The following FSIP1 variants were observed in gnomAD, a reference collection of about 807,000 sequenced individuals.
FSIP1 encodes the protein fibrous sheath interacting protein 1, also known as fibrous sheath-interacting protein 1.
Under a neutral mutation model 60.9 loss-of-function variants are expected in FSIP1, and 65 were observed. That is an observed-to-expected ratio of 1.07 (90% CI 0.87 to 1.31). The LOEUF is 1.31. FSIP1 is among the 40% of genes most tolerant of loss of function. The pLI, the probability that FSIP1 is intolerant of heterozygous loss-of-function variation, is 0.00. For missense variants in FSIP1, 675 were observed against 665.5 expected (o/e 1.01, Z -0.16); for synonymous variants, 209 against 221.2 (o/e 0.94, Z 0.49).
chr15:39,754,669 C>CT (rs1176343562), intron 5 of FSIP1, among the ~76,000 whole-genome samples: 1 of 151,830 alleles, frequency 6.6e-6, no homozygotes, highest in African/African-American at 2.4e-5. Context: ...GTTTAGGAGA[C>CT]TAGGTGGGTG....
downstream of FSIP1, chr15:39,599,383 A>G (rs1440030116): frequency 6.6e-6 from 1 of 152,178 alleles, no homozygotes; most frequent in Admixed American, 6.5e-5. Context: ...AATAACAGAA[A>G]GGCTCACTAT....
chr15:39,686,825 A>T (rs1220277603), intron 10 of FSIP1, among the ~76,000 whole-genome samples: 2 of 152,246 alleles, frequency 1.3e-5, no homozygotes, highest in African/African-American at 4.8e-5. Context: ...ATTCAAAGGG[A>T]AAGTCTGAGT....
chr15:39,778,785 A>T (rs1443512726), intron 1 of FSIP1, among the ~76,000 whole-genome samples: 1 of 152,236 alleles, frequency 6.6e-6, no homozygotes, highest in Non-Finnish European at 1.5e-5. Flanking sequence ...CTGTCCAGAA[A>T]TTGATAAAGC....
chr15:39,710,441 G>GAAAAAAAAAAAAA (rs397945950), intron 10 of FSIP1, among the ~76,000 whole-genome samples: 2 of 74,240 alleles, frequency 2.7e-5, no homozygotes. Context: ...CTCTGTCTCA[G>GAAAAAAAAAAAAA]AAAAAAAAAA....
Position 39,617,808 on chromosome 15 carries a change from C to G in FSIP1, c.1626G>C (p.Leu542=), listed in dbSNP as rs777878961. The change falls in exon 11 of 12, where the codon CTG becomes CTC. Residue 542 remains leucine (L), a synonymous_variant. Transcript: ENST00000350221. ...ATGAAAGGCTCACACTGATACCATACAGTGGATCATCTAAGAAGGAGGGCC... is the reference window on the plus strand; with the variant it reads ...ATGAAAGGCTCACACTGATACCATAGAGTGGATCATCTAAGAAGGAGGGCC... ...LKRPSFLDDP[L]YGISVSLSSE... 5 of 1,614,074 alleles carry G rather than the reference C, an allele frequency of 3.1e-6. No homozygotes were observed. In the South Asian group the frequency reaches 4.4e-5, roughly 14 times the overall value.
Position 39,617,865 on chromosome 15 carries a change from C to A in FSIP1, c.1569G>T (p.Met523Ile), listed in dbSNP as rs1267182511. The A allele has an allele frequency of 1.2e-6, 2 of 1,614,020 alleles. No homozygotes were observed. Among genetic ancestry groups the A allele is most frequent in the East Asian group, 4.5e-5 (2 of 44,878 alleles). ...VIISDTKDYF[M>I]SKTLGIGRLK... is the part of the protein sequence containing the mutation. ...GTCTCCCAATGCCAAGAGTCTTCGACATAAAATAGTCTTTTGTGTCACTAA... is the reference window on the plus strand; with the variant it reads ...GTCTCCCAATGCCAAGAGTCTTCGAAATAAAATAGTCTTTTGTGTCACTAA... The change falls in exon 11 of 12, where the codon ATG (methionine) becomes ATT (isoleucine). Residue 523 changes from methionine (M) to isoleucine (I), a missense_variant. Coordinates refer to ENST00000350221, the MANE Select transcript of FSIP1 (RefSeq NM_152597.5).
intron 1 of FSIP1, among the ~76,000 whole-genome samples, chr15:39,781,113 A>G (rs934746152): frequency 6.6e-6 from 1 of 152,214 alleles, no homozygotes; most frequent in Non-Finnish European, 1.5e-5. Flanking sequence ...CATATCCAGA[A>G]TATATAAACA....
chr15:39,692,924 G>T (rs565763709), intron 10 of FSIP1, among the ~76,000 whole-genome samples: 5 of 152,244 alleles, frequency 3.3e-5, no homozygotes, highest in Non-Finnish European at 7.3e-5. Flanking sequence ...TGGCACTGCA[G>T]CCCTGGAAAC....
At chr15:39,704,341 T>C (rs999145061) in intron 10 of FSIP1, among the ~76,000 whole-genome samples, 11 of 152,262 alleles carry the variant, frequency 7.2e-5, no homozygotes, top group African/African-American at 2.7e-4. Flanking sequence ...AATGTACGAA[T>C]GCCAAAGCAC....
At chr15:39,722,997 T>C (rs986907912) in intron 9 of FSIP1, among the ~76,000 whole-genome samples, 2 of 152,092 alleles carry the variant, frequency 1.3e-5, no homozygotes, top group African/African-American at 4.8e-5. Context: ...TTTCTACGTA[T>C]ACTCAATACC....
At chr15:39,780,368 C>CA (rs540551060) in intron 1 of FSIP1, among the ~76,000 whole-genome samples, 13 of 151,924 alleles carry the variant, frequency 8.6e-5, no homozygotes, top group African/African-American at 1.5e-4. Flanking sequence ...ACTAAAAATA[C>CA]AAAAAAATTA....
intron 10 of FSIP1, among the ~76,000 whole-genome samples, chr15:39,698,201 A>G (rs1204853387): frequency 6.7e-6 from 1 of 148,508 alleles, no homozygotes; most frequent in East Asian, 1.9e-4. Context: ...GTATATATAT[A>G]TAATATACAA....
intron 10 of FSIP1, among the ~76,000 whole-genome samples, chr15:39,642,999 T>A (rs958972002): frequency 3.9e-5 from 6 of 152,206 alleles, no homozygotes; most frequent in Non-Finnish European, 8.8e-5. Flanking sequence ...AAGCACTTCA[T>A]TATTAGGTGG....
In FSIP1 at chr15:39,618,637, G is replaced by A. The variant is rs114605671; in HGVS notation, c.1189-392C>T. Among the ~76,000 whole-genome samples the A allele has an allele frequency of 3.1e-3, 471 of 152,336 alleles. 3 individuals are homozygous for A. Among genetic ancestry groups the A allele is most frequent in the African/African-American group, 0.01 (429 of 41,578 alleles). On this transcript the variant is annotated intron_variant, in intron 10 of 11. Coordinates refer to ENST00000350221, the MANE Select transcript of FSIP1 (RefSeq NM_152597.5). ...AGGGTGGTGCATCCTGCAATGTGTC[G>A]TTGCTGCAAAGCTACAGGTCTAGGC...
chr15:39,622,885 ACT>A lies in FSIP1; in HGVS notation c.1189-4642_1189-4641del, dbSNP rs1480777685. Among the ~76,000 whole-genome samples the A allele has an allele frequency of 2.0e-5, 3 of 149,454 alleles. No individual in the cohort carries two copies. In the East Asian group the frequency reaches 5.9e-4, roughly 29 times the overall value. On this transcript the variant is annotated intron_variant, in intron 10 of 11. Transcript: ENST00000350221. The stretch of plus-strand genomic sequence containing the variant: ...TCTGTCCATTCTATCAGATACAGAA[ACT>A]CTCCCCGCAGAACAGTTTACTTAAC...
At chr15:39,621,753 A>G (rs1891448877) in intron 10 of FSIP1, among the ~76,000 whole-genome samples, 1 of 152,230 alleles carries the variant, frequency 6.6e-6, no homozygotes, top group Non-Finnish European at 1.5e-5. Flanking sequence ...TAAAATAACT[A>G]AAAATTCTCT....
At position 39,770,623 on chromosome 15, in the gene FSIP1, T is replaced by A. The variant is rs184965005; in HGVS notation, c.127-13A>T. On this transcript the variant is annotated splice_polypyrimidine_tract_variant and intron_variant, in intron 2 of 11. Transcript: ENST00000350221. ...TTGCAGTATCGACCTAAAAATAATT[T>A]CAAAAAAAAAACAGTTTCCGAAAAT... 50 of 1,339,130 alleles carry A rather than the reference T, an allele frequency of 3.7e-5. No individual in the cohort carries two copies. The Admixed American group carries it at 5.7e-4, about 15-fold the overall frequency. The allele number at this position is 1,339,130 out of a possible 1,614,324, so 83.0% of individuals were successfully genotyped here. A position where few individuals can be genotyped will look rare whatever the true frequency, so the allele number is the denominator to read the frequency against.
At chr15:39,694,798 TAAAC>T (rs1172791504) in intron 10 of FSIP1, among the ~76,000 whole-genome samples, 4 of 150,578 alleles carry the variant, frequency 2.7e-5, no homozygotes, top group Admixed American at 6.6e-5. Context: ...TCAAAAAAAA[TAAAC>T]AAACAAATAA....
At chr15:39,643,232 C>T (rs970196977) in intron 10 of FSIP1, among the ~76,000 whole-genome samples, 1 of 152,146 alleles carries the variant, frequency 6.6e-6, no homozygotes, top group Non-Finnish European at 1.5e-5. Context: ...TTTATTTCAA[C>T]ATTGCTTATA....
Sources: gnomAD v4.1 joint callset for allele counts (sites outside exome capture counted in the v4.1 genomes callset) on GRCh38, gnomAD v4.1.1 for gene constraint, MANE v1.5 for transcripts, NCBI Gene and HGNC (gene_info 2026-07-23, HGNC 2026-07-21) for gene names.